DNAJC13: variants seen among roughly 807,000 people sequenced by gnomAD.
DNAJC13 encodes dnaJ homolog subfamily C member 13.
In DNAJC13, 75 loss-of-function variants were observed where a neutral mutation model predicts 290.5. The observed-to-expected ratio is 0.26, with a 90% CI of 0.21 to 0.31. The LOEUF (loss-of-function observed/expected upper bound fraction) is 0.31. DNAJC13 is among the 10% of genes least tolerant of loss of function. The probability of loss-of-function intolerance (pLI) is 1.00; values close to 1 mark genes in which losing one functional copy is unlikely to be tolerated. For missense variants in DNAJC13, 2,260 were observed against 2,674.5 expected (o/e 0.85, Z 3.42); for synonymous variants, 862 against 892.0 (o/e 0.97, Z 0.60).
chr3:132,532,873 C>G (rs1371792400), intron 55 of DNAJC13, among the ~76,000 whole-genome samples: 4 of 145,958 alleles, frequency 2.7e-5, no homozygotes, highest in Non-Finnish European at 1.5e-5. Flanking sequence ...AAGTAGCTGG[C>G]ATTATAGGCT....
At chr3:132,502,567 A>G in intron 40 of DNAJC13, 99 bp downstream of exon 40, 1 of 1,128,436 alleles carries the variant, frequency 8.9e-7, no homozygotes, top group Non-Finnish European at 1.2e-6. Flanking sequence ...CCCCAGAGAT[A>G]AATTGTTTTT....
At chr3:132,482,127 A>G (rs1189455242) in intron 26 of DNAJC13, 99 bp from the exon 27 acceptor site, 5 of 885,004 alleles carry the variant, frequency 5.6e-6, no homozygotes, top group African/African-American at 1.7e-5. Context: ...TTAAAGGGAT[A>G]TAAACCCCTC....
chr3:132,499,499 A>G (rs1479446975), intron 37 of DNAJC13, among the ~76,000 whole-genome samples, 189 bp downstream of exon 37: 1 of 152,220 alleles, frequency 6.6e-6, no homozygotes, highest in Admixed American at 6.5e-5. Context: ...TGAGTTGGAA[A>G]GTATTGGGTT....
intron 35 of DNAJC13, 85 bp from the exon 36 acceptor site, chr3:132,496,443 T>G (rs1472418862): frequency 1.7e-6 from 2 of 1,193,064 alleles, no homozygotes; most frequent in Non-Finnish European, 1.1e-6. Context: ...CTAAAGTTAC[T>G]GATAAAATGC....
intron 55 of DNAJC13, among the ~76,000 whole-genome samples, chr3:132,532,714 GA>G (rs11394552): frequency 3.3e-5 from 5 of 150,276 alleles, no homozygotes; most frequent in Non-Finnish European, 1.5e-5. Flanking sequence ...TGGTATGATT[GA>G]AAAAAAAATC....
intron 2 of DNAJC13, among the ~76,000 whole-genome samples, chr3:132,436,574 ACT>A (rs1033343268): frequency 2.0e-5 from 3 of 152,134 alleles, no homozygotes; most frequent in South Asian, 2.1e-4. Context: ...TTATGTGGTA[ACT>A]CTGTTTAACT....
rs775778134 is a variant in DNAJC13 at position 132,496,502 on chromosome 3, G to A, written c.4021-26G>A. ...GAATTTTGCGACATTCCAAATTAACGTTAAATTATCTTCTGTTACATACAG... is the reference window on the plus strand; with the variant it reads ...GAATTTTGCGACATTCCAAATTAACATTAAATTATCTTCTGTTACATACAG... On this transcript the variant is annotated intron_variant, in intron 35 of 55. Transcript: ENST00000260818. 24 of 1,536,254 alleles carry A rather than the reference G, an allele frequency of 1.6e-5. 1 individual carries two copies. The highest frequency in any genetic ancestry group is 1.3e-4 in the South Asian group (10 of 77,934).
intron 13 of DNAJC13, chr3:132,458,006 A>G (rs1469866916): frequency 3.3e-5 from 5 of 152,154 alleles, no homozygotes; most frequent in African/African-American, 1.2e-4. Flanking sequence ...GAGAGCAGTA[A>G]TGTGATCAGG....
In DNAJC13 at chr3:132,447,907, A is replaced by G. The variant is rs776734868; in HGVS notation, c.304A>G (p.Thr102Ala). ...ELLTEALRFR[T>A]DFSEGKITGR... Reference sequence around the variant, plus strand: ...ATGTTTTCTCTTTCAGAGATTTAGAACTGATTTTTCAGAGGGAAAAATCAC... The same window carrying G: ...ATGTTTTCTCTTTCAGAGATTTAGAGCTGATTTTTCAGAGGGAAAAATCAC... The change falls in exon 5 of 56, where the codon ACT (threonine) becomes GCT (alanine). Residue 102 changes from threonine (T) to alanine (A), a missense_variant. Thr to Ala is a moderately conservative substitution (Grantham distance 58). Around this residue, in one of 3 missense-constraint regions of DNAJC13, gnomAD observed 762 missense variants for 964.1 expected, o/e 0.79. Transcript: ENST00000260818. The G allele has an allele frequency of 2.5e-6, 4 of 1,598,116 alleles. No homozygotes were observed. The South Asian group carries it at 4.5e-5, about 18-fold the overall frequency.
chr3:132,456,032 A>C (rs191674804), intron 9 of DNAJC13, among the ~76,000 whole-genome samples: 1 of 152,324 alleles, frequency 6.6e-6, no homozygotes, highest in East Asian at 1.9e-4. Context: ...TTAGTGTTTA[A>C]GTAACTTGTA....
At chr3:132,494,982 A>G (rs1053764688) in intron 34 of DNAJC13, 106 bp from the exon 35 acceptor site, 2 of 731,826 alleles carry the variant, frequency 2.7e-6, no homozygotes, top group East Asian at 2.8e-5. Context: ...ATATAATCAT[A>G]TACAATTCTT....
Position 132,482,291 on chromosome 3 carries a change from C to T in DNAJC13, c.2940C>T (p.Asn980=), listed in dbSNP as rs764113878. Reference sequence around the variant, plus strand: ...GTGAAAAGGAATGGTATTTTGGCAACGCAGACAAAGAAAGGAGTGGCCCGT... The same window carrying T: ...GTGAAAAGGAATGGTATTTTGGCAATGCAGACAAAGAAAGGAGTGGCCCGT... The part of the protein sequence containing the change: ...RESEKEWYFG[N]ADKERSGPYG... Residue 980 remains asparagine, a synonymous_variant, in exon 27 of 56, where the codon AAC becomes AAT. Coordinates refer to ENST00000260818, the MANE Select transcript of DNAJC13 (RefSeq NM_015268.4). 1.7e-5 allele frequency: 27 copies of T among 1,613,552 alleles called. No individual in the cohort carries two copies. The highest frequency in any genetic ancestry group is 2.0e-5 in the Non-Finnish European group (24 of 1,179,798).
chr3:132,483,182 G>A (rs935252025), intron 27 of DNAJC13, among the ~76,000 whole-genome samples, 193 bp from the exon 28 acceptor site: 3 of 152,054 alleles, frequency 2.0e-5, no homozygotes, highest in Middle Eastern at 3.4e-3. Context: ...GCCAGGTGGT[G>A]GGTTTTTTGG....
intron 1 of DNAJC13, among the ~76,000 whole-genome samples, chr3:132,422,458 T>C (rs539532878): frequency 2.6e-5 from 4 of 152,348 alleles, no homozygotes; most frequent in African/African-American, 7.2e-5. Flanking sequence ...GTGCCTCAGA[T>C]GGGATGGCAT....
rs1334725448 is a variant in DNAJC13 at position 132,516,750 on chromosome 3, A to G, written c.5607A>G (p.Pro1869=). ...ATATGTTCTGCAATTCAACACATCC[A>G]CAGGTTCGAGCCCAAACAGCAGAAC... The part of the protein sequence containing the change: ...LLDMFCNSTH[P]QVRAQTAELF... Residue 1869 remains proline (P), a synonymous_variant, in exon 48 of 56, where the codon CCA becomes CCG. Transcript: ENST00000260818. 3 of 1,613,672 alleles carry G rather than the reference A, an allele frequency of 1.9e-6. No individual in the cohort carries two copies. Among genetic ancestry groups the G allele is most frequent in the Non-Finnish European group, 2.5e-6 (3 of 1,179,690 alleles).
chr3:132,478,661 A>T (rs1220010627), intron 24 of DNAJC13, among the ~76,000 whole-genome samples: 1 of 152,218 alleles, frequency 6.6e-6, no homozygotes, highest in Non-Finnish European at 1.5e-5. Context: ...GTTCACCTGG[A>T]AGTGGGAGGA....
At chr3:132,434,505 T>C (rs1416762046) in intron 1 of DNAJC13, 33 bp from the exon 2 acceptor site, 1 of 1,464,930 alleles carries the variant, frequency 6.8e-7, no homozygotes, top group African/African-American at 1.4e-5. Context: ...ATATATAACA[T>C]GTACTAAGTG....
intron 6 of DNAJC13, among the ~76,000 whole-genome samples, chr3:132,451,279 A>C (rs1458526336): frequency 3.9e-5 from 6 of 152,130 alleles, no homozygotes; most frequent in Admixed American, 3.9e-4. Flanking sequence ...CTGGCAACAT[A>C]GTGAGACCTT....
At chr3:132,446,893 C>T (rs921471510) in intron 3 of DNAJC13, among the ~76,000 whole-genome samples, 1 of 151,876 alleles carries the variant, frequency 6.6e-6, no homozygotes, top group Non-Finnish European at 1.5e-5. Flanking sequence ...GTCATGAGTC[C>T]AGTTAGTGTA....
Sources: allele counts gnomAD v4.1 joint callset (sites outside exome capture counted in the v4.1 genomes callset), GRCh38; gene constraint gnomAD v4.1.1; regional missense constraint gnomAD v4.1.1; transcripts MANE v1.5; gene names NCBI Gene and HGNC (gene_info 2026-07-23, HGNC 2026-07-21).